Variants in THAP9 observed in about 807,000 individuals in gnomAD.
THAP9 encodes the protein THAP domain containing 9.
A neutral mutation model predicts 35.7 loss-of-function variants in THAP9; 20 were observed. That is an observed-to-expected ratio of 0.56 (90% CI 0.39 to 0.81). The LOEUF (loss-of-function observed/expected upper bound fraction) is 0.81, where lower values mean the gene tolerates loss of function less well. Ranked by LOEUF, THAP9 falls within the 40% of genes least tolerant of loss-of-function variation. THAP9 has a pLI of 0.00. For missense variants in THAP9, 870 were observed against 1,047.4 expected, an observed-to-expected ratio of 0.83 and a Z score of 2.34; for synonymous variants, 335 against 373.7, an observed-to-expected ratio of 0.90 and a Z score of 1.19.
chr4:82,918,101 C>T lies in THAP9; in HGVS notation c.1889C>T (p.Thr630Ile). The change falls in exon 5 of 5, where the codon ACC becomes ATC. Residue 630 changes from threonine to isoleucine, a missense_variant. Transcript: ENST00000302236. Reference protein sequence around the residue: ...RQVLVTSSSPTCMAFQKAYYN... With the variant: ...RQVLVTSSSPICMAFQKAYYN... ...GTATTAGTAACAAGTTCTAGCCCTA[C>T]CTGCATGGCATTCCAGAAAGCTTAC... 1.2e-5 allele frequency: 19 copies of T among 1,614,102 alleles called. No homozygotes were observed. Among genetic ancestry groups the T allele is most frequent in the Non-Finnish European group, 1.5e-5 (18 of 1,179,998 alleles).
At position 82,917,148 on chromosome 4, in the gene THAP9, T is replaced by C. The variant is rs1241631647; in HGVS notation, c.936T>C (p.Ala312=). The C allele has an allele frequency of 6.2e-7, 1 of 1,613,374 alleles. No homozygotes were observed. Among genetic ancestry groups the C allele is most frequent in the South Asian group, 1.1e-5 (1 of 91,000 alleles). The change falls in exon 5 of 5, where the codon GCT becomes GCC. Residue 312 remains alanine (A), a synonymous_variant. Transcript: ENST00000302236. ...FMDFGLGKLD[A]DETPLASETV... is the part of the protein sequence containing the mutation. ...ACTTTGGTCTTGGAAAACTTGATGC[T>C]GATGAAACGCCACTTGCTTCAGAAA...
At chr4:82,907,672 A>G (rs758812430) in intron 3 of THAP9, 113 bp from the exon 4 acceptor site, 18 of 796,124 alleles carry the variant, frequency 2.3e-5, no homozygotes, top group Non-Finnish European at 3.3e-5. Context: ...TCAAAATGCA[A>G]CTATATTTGT....
chr4:82,919,776 A>G lies in THAP9; in HGVS notation c.*852A>G, dbSNP rs893292514. 1 of 152,214 alleles carries G rather than the reference A, an allele frequency of 6.6e-6. No homozygotes were observed. The highest frequency in any genetic ancestry group is 2.4e-5 in the African/African-American group (1 of 41,466). The allele number at this position is 152,214 out of a possible 1,614,324, so 9.4% of individuals were successfully genotyped here. A position where few individuals can be genotyped will look rare whatever the true frequency, so the allele number is the denominator to read the frequency against. On this transcript the variant is annotated 3_prime_UTR_variant, in exon 5 of 5. Coordinates refer to ENST00000302236, the MANE Select transcript of THAP9 (RefSeq NM_024672.6). ...GGGACAGAAAAACATAGGTAACTCTACTTTCACAAATGAGGATAGTTTAAC... is the reference window on the plus strand; with the variant it reads ...GGGACAGAAAAACATAGGTAACTCTGCTTTCACAAATGAGGATAGTTTAAC...
intron 2 of THAP9, 85 bp from the exon 3 acceptor site, chr4:82,906,239 A>C: frequency 1.8e-6 from 2 of 1,117,710 alleles, no homozygotes; most frequent in Non-Finnish European, 2.5e-6. Flanking sequence ...CAACCAGATT[A>C]GTGCTTTGTA....
Position 82,917,365 on chromosome 4 carries a change from G to A in THAP9, c.1153G>A (p.Ala385Thr), listed in dbSNP as rs376697528. The A allele has an allele frequency of 4.5e-5, 72 of 1,613,400 alleles. No individual in the cohort carries two copies. The highest frequency in any genetic ancestry group is 5.9e-5 in the Non-Finnish European group (70 of 1,179,566). ...ATAHSVQMAK[A>T]LGIHIDGDDM... is the part of the protein sequence containing the mutation. ...AGCACATAGTGTTCAGATGGCAAAA[G>A]CATTGGGGATACATATTGATGGAGA... The change falls in exon 5 of 5, where the codon GCA (alanine) becomes ACA (threonine). Residue 385 changes from alanine (A) to threonine (T), a missense_variant. This residue lies in a region of THAP9 where 440 missense variants were observed against 501.2 expected (regional missense o/e 0.88). Coordinates refer to ENST00000302236, the MANE Select transcript of THAP9 (RefSeq NM_024672.6).
intron 4 of THAP9, among the ~76,000 whole-genome samples, chr4:82,915,488 C>T (rs971957446): frequency 5.9e-5 from 9 of 152,100 alleles, no homozygotes; most frequent in Non-Finnish European, 1.0e-4. Context: ...AACTCCTGAC[C>T]TCAGGTGATT....
At chr4:82,904,024 A>C (rs1428276773) in intron 1 of THAP9, among the ~76,000 whole-genome samples, 2 of 148,654 alleles carry the variant, frequency 1.3e-5, no homozygotes, top group Non-Finnish European at 3.0e-5. Flanking sequence ...ACTCTAGCCC[A>C]TACTCACTCA....
intron 4 of THAP9, among the ~76,000 whole-genome samples, chr4:82,913,716 T>C (rs564085947): frequency 6.6e-6 from 1 of 152,220 alleles, no homozygotes; most frequent in African/African-American, 2.4e-5. Context: ...CTTCCTTGTG[T>C]ATAAGTTCTC....
chr4:82,914,983 T>C (rs1255731485), intron 4 of THAP9, among the ~76,000 whole-genome samples: 1 of 152,192 alleles, frequency 6.6e-6, no homozygotes, highest in African/African-American at 2.4e-5. Flanking sequence ...GAGTTAATTT[T>C]TGTATGTGGT....
chr4:82,911,970 C>A (rs1281685951), intron 4 of THAP9, among the ~76,000 whole-genome samples: 4 of 152,106 alleles, frequency 2.6e-5, no homozygotes, highest in African/African-American at 4.8e-5. Context: ...TTTTTTAAAA[C>A]CCTTGGTTTG....
In THAP9 at chr4:82,907,803, A is replaced by T. The variant is rs1385074349; in HGVS notation, c.599A>T (p.Tyr200Phe). ...AQFSDFKWEL[Y>F]NWRETDEYSA... The stretch of plus-strand genomic sequence containing the variant: ...TTAACAGATTTTAAGTGGGAGTTAT[A>T]TAATTGGAGAGAAACAGATGAGTAC... The change falls in exon 4 of 5, where the codon TAT (tyrosine) becomes TTT (phenylalanine). Residue 200 changes from tyrosine to phenylalanine, a missense_variant. By Grantham distance (22) the Tyr-to-Phe change is conservative. Transcript: ENST00000302236. 4 of 1,586,450 alleles carry T rather than the reference A, an allele frequency of 2.5e-6. No individual in the cohort carries two copies. The highest frequency in any genetic ancestry group is 1.7e-6 in the Non-Finnish European group (2 of 1,171,962).
chr4:82,905,202 T>C (rs931205829), intron 2 of THAP9, among the ~76,000 whole-genome samples: 1 of 152,208 alleles, frequency 6.6e-6, no homozygotes, highest in Non-Finnish European at 1.5e-5. Context: ...TAGATATAAA[T>C]AGCCTTAGAA....
intron 1 of THAP9, among the ~76,000 whole-genome samples, chr4:82,904,220 C>T (rs1005899369): frequency 1.3e-5 from 2 of 151,968 alleles, no homozygotes; most frequent in African/African-American, 4.8e-5. Context: ...CCCGCCACCA[C>T]GTCCGGCTAA....
At chr4:82,916,665 A>G (rs914352465) in intron 4 of THAP9, among the ~76,000 whole-genome samples, 3 of 152,262 alleles carry the variant, frequency 2.0e-5, no homozygotes, top group African/African-American at 7.2e-5. Context: ...AAGATCAGTT[A>G]GAACAAACTG....
At chr4:82,907,556 A>T (rs1720695603) in intron 3 of THAP9, among the ~76,000 whole-genome samples, 1 of 152,180 alleles carries the variant, frequency 6.6e-6, no homozygotes, top group African/African-American at 2.4e-5. Flanking sequence ...AGTAAAACAT[A>T]ATTCAAGTTG....
chr4:82,919,308 T>C lies in THAP9; in HGVS notation c.*384T>C, dbSNP rs1721158691. 6.4e-6 allele frequency: 1 copy of C among 155,628 alleles called. No individual in the cohort carries two copies. The highest frequency in any genetic ancestry group is 1.4e-5 in the Non-Finnish European group (1 of 70,440). The allele number at this position is 155,628 out of a possible 1,614,324, so 9.6% of individuals were successfully genotyped here. A position where few individuals can be genotyped will look rare whatever the true frequency, so the allele number is the denominator to read the frequency against. On this transcript the variant is annotated 3_prime_UTR_variant, in exon 5 of 5. Coordinates refer to ENST00000302236, the MANE Select transcript of THAP9 (RefSeq NM_024672.6). ...ACTCCATTTATGACTAGACTACATT[T>C]CTGAAAGATCTTTGGTTTATGATTC...
intron 1 of THAP9, among the ~76,000 whole-genome samples, chr4:82,903,914 A>G (rs1011966091): frequency 3.3e-5 from 5 of 152,198 alleles, no homozygotes; most frequent in Admixed American, 6.5e-5. Context: ...AGAGCAAACC[A>G]TTCTCTACAG....
chr4:82,900,796 C>T lies in THAP9; in HGVS notation c.-7C>T, dbSNP rs895141738. The T allele has an allele frequency of 1.9e-6, 3 of 1,613,686 alleles. No homozygotes were observed. Among genetic ancestry groups the T allele is most frequent in the African/African-American group, 2.7e-5 (2 of 75,068 alleles). On this transcript the variant is annotated 5_prime_UTR_variant, in exon 1 of 5. Transcript: ENST00000302236. ...ACCCCGAAGGTGGGGCCCCACGTAA[C>T]AAGAAGATGACCCGAAGTTGCTCCG...
Position 82,916,873 on chromosome 4 carries a change from G to C in THAP9, c.732-71G>C, listed in dbSNP as rs1721048481. On this transcript the variant is annotated intron_variant, in intron 4 of 4. Transcript: ENST00000302236. The stretch of plus-strand genomic sequence containing the variant: ...ACAGGGATGGGAGACTACTTTAATA[G>C]TGCTTAAGGCATTTTCCCATTTGTC... 1.8e-5 allele frequency: 24 copies of C among 1,371,394 alleles called. No homozygotes were observed. The South Asian group carries it at 4.4e-4, about 25-fold the overall frequency. The allele number at this position is 1,371,394 out of a possible 1,614,324, so 85.0% of individuals were successfully genotyped here.
Sources: allele counts gnomAD v4.1 joint callset (sites outside exome capture counted in the v4.1 genomes callset), GRCh38; gene constraint gnomAD v4.1.1; regional missense constraint gnomAD v4.1.1; transcripts MANE v1.5; gene names NCBI Gene and HGNC (gene_info 2026-07-23, HGNC 2026-07-21).